Variants in AIRE observed in about 807,000 individuals in gnomAD.
AIRE encodes the protein autoimmune polyendocrinopathy candidiasis ectodermal dystrophy protein.
AIRE carries 52 observed loss-of-function variants against 62.1 expected under a neutral mutation model. The ratio of observed to expected loss-of-function variants is 0.84; its 90% CI spans 0.67 to 1.06. The LOEUF (loss-of-function observed/expected upper bound fraction) is 1.06. Among genes scored for constraint, AIRE ranks in the 50% least tolerant of loss-of-function variants. AIRE has a pLI of 0.00. For missense variants in AIRE, 774 were observed against 755.8 expected (o/e 1.02, Z -0.28); for synonymous variants, 342 against 321.6 (o/e 1.06, Z -0.68).
chr21:44,292,439 T>G, intron 9 of AIRE, 38 bp downstream of exon 9: 1 of 1,429,370 alleles, frequency 7.0e-7, no homozygotes, highest in Non-Finnish European at 9.6e-7. Flanking sequence ...CCACCCCTCC[T>G]GTCCACATGG....
In AIRE at chr21:44,287,530, G is replaced by A. The variant is rs1192838059; in HGVS notation, c.477G>A (p.Lys159=). ...TCCCCCATTCAGGCTCTCAACTGAA[G>A]GCCAAGCCCCCCAAGAAGCCGGAGA... ...RGTASPGSQL[K]AKPPKKPESS... The change falls in exon 4 of 14, where the codon AAG becomes AAA. Residue 159 remains lysine, a synonymous_variant. Transcript: ENST00000291582. This position sits in a 1 kb window ranked among gnomAD's most constrained non-coding sequence, Gnocchi z 4.3. 13 of 1,556,080 alleles carry A rather than the reference G, an allele frequency of 8.4e-6. No individual in the cohort carries two copies. Among genetic ancestry groups the A allele is most frequent in the Non-Finnish European group, 1.1e-5 (13 of 1,150,088 alleles).
At chr21:44,288,308 C>A (rs759510873) in intron 4 of AIRE, 37 bp from the exon 5 acceptor site, 12 of 1,465,436 alleles carry the variant, frequency 8.2e-6, no homozygotes, top group Admixed American at 3.3e-5. Context: ...GAACAGTCTT[C>A]CCCACGGGTG....
At position 44,290,180 on chromosome 21, in the gene AIRE, C is replaced by A; in HGVS notation, c.879+112C>A. 2.0e-6 allele frequency: 3 copies of A among 1,537,114 alleles called. 1 individual carries two copies. In the Middle Eastern group the frequency reaches 5.1e-4, roughly 259 times the overall value. On this transcript the variant is annotated intron_variant, in intron 7 of 13. Transcript: ENST00000291582. ...CAGGGATGAGCACCGGGGCCTGAGC[C>A]CCTACCCACAGGGTACAGCTCTTTT...
chr21:44,297,520 T>C lies in AIRE; in HGVS notation c.1567-136T>C, dbSNP rs1208950897. The C allele has an allele frequency of 6.3e-6, 5 of 797,616 alleles. No individual in the cohort carries two copies. The African/African-American group carries it at 6.8e-5, about 11-fold the overall frequency. The allele number at this position is 797,616 out of a possible 1,614,324, so 49.4% of individuals were successfully genotyped here. ...GTCCTCCCCAGACTGGCCTGTGCCATGGGGCCTCGGGCCTCAGTTTCCCCA... is the reference window on the plus strand; with the variant it reads ...GTCCTCCCCAGACTGGCCTGTGCCACGGGGCCTCGGGCCTCAGTTTCCCCA... On this transcript the variant is annotated intron_variant, in intron 13 of 13. Transcript: ENST00000291582. The surrounding 1 kb of genome is among the most constrained non-coding windows in gnomAD (Gnocchi z 4.8).
rs2040497325 is a variant in AIRE, at chr21:44,287,659, A to T, written c.538+68A>T. 1 of 1,455,934 alleles carries T rather than the reference A, an allele frequency of 6.9e-7. No individual in the cohort carries two copies. Among genetic ancestry groups the T allele is most frequent in the Non-Finnish European group, 9.4e-7 (1 of 1,063,136 alleles). 90.2% of individuals were successfully genotyped at this position (1,455,934 alleles called of 1,614,324 possible). ...GGGGCAAGGGGTCAGGGGTCAGAGC[A>T]GGGCCTGCCCTCTGAGACCCTGTCC... On this transcript the variant is annotated intron_variant, in intron 4 of 13. Coordinates refer to ENST00000291582, the MANE Select transcript of AIRE (RefSeq NM_000383.4). This position sits in a 1 kb window ranked among gnomAD's most constrained non-coding sequence, Gnocchi z 4.3.
chr21:44,292,323 C>T lies in AIRE; in HGVS notation c.1017C>T (p.Ser339=), dbSNP rs2040549304. The T allele has an allele frequency of 6.3e-7, 1 of 1,576,848 alleles. No homozygotes were observed. The highest frequency in any genetic ancestry group is 8.6e-7 in the Non-Finnish European group (1 of 1,161,726). The change falls in exon 9 of 14, where the codon AGC becomes AGT. Residue 339 remains serine (S), a synonymous_variant. Coordinates refer to ENST00000291582, the MANE Select transcript of AIRE (RefSeq NM_000383.4). The part of the protein sequence containing the change: ...EIPSGTWRCS[S]CLQATVQEVQ... ...GCAGTGGGACCTGGAGGTGCTCCAGCTGCCTGCAGGCAACAGTCCAGGAGG... is the reference window on the plus strand; with the variant it reads ...GCAGTGGGACCTGGAGGTGCTCCAGTTGCCTGCAGGCAACAGTCCAGGAGG...
In AIRE at chr21:44,287,993, C is replaced by T. The variant is rs1381568187; in HGVS notation, c.539-352C>T. Among the ~76,000 whole-genome samples the T allele has an allele frequency of 2.0e-5, 3 of 152,168 alleles. No individual in the cohort carries two copies. Among genetic ancestry groups the T allele is most frequent in the Non-Finnish European group, 4.4e-5 (3 of 68,014 alleles). On this transcript the variant is annotated intron_variant, in intron 4 of 13. Coordinates refer to ENST00000291582, the MANE Select transcript of AIRE (RefSeq NM_000383.4). The surrounding 1 kb of genome is among the most constrained non-coding windows in gnomAD (Gnocchi z 4.3). ...CTGGACTCCAGAGACCCCCTATCTC[C>T]CTGAGGGCAGAGCCTAGGAACTCTG... is the stretch of plus-strand genomic sequence containing the variant.
Position 44,286,476 on chromosome 21 carries a change from C to A in AIRE, c.133-81C>A. ...CGCCAGCGCCTCTGCCTGGGAGCTC[C>A]ACCCTCTAGTCATGATGGAGATGGG... is the stretch of plus-strand genomic sequence containing the variant. On this transcript the variant is annotated intron_variant, in intron 1 of 13. Transcript: ENST00000291582. This position sits in a 1 kb window ranked among gnomAD's most constrained non-coding sequence, Gnocchi z 6.0. The A allele has an allele frequency of 6.8e-7, 1 of 1,470,410 alleles. No homozygotes were observed. The allele number at this position is 1,470,410 out of a possible 1,614,324, so 91.1% of individuals were successfully genotyped here. A position where few individuals can be genotyped will look rare whatever the true frequency, so the allele number is the denominator to read the frequency against.
chr21:44,293,228 G>A (rs1244056652), intron 10 of AIRE, 53 bp downstream of exon 10: 4 of 1,460,760 alleles, frequency 2.7e-6, no homozygotes, highest in South Asian at 2.7e-5. Context: ...CAGGACCTAC[G>A]GGGCGGATGA....
chr21:44,288,401 G>A lies in AIRE; in HGVS notation c.595G>A (p.Val199Ile), dbSNP rs74162061. 1,472 of 1,612,754 alleles carry A rather than the reference G, an allele frequency of 9.1e-4. 7 individuals are homozygous for A. In the African/African-American group the frequency reaches 0.012, roughly 13 times the overall value. ...AGCTGTGGCCATGTCCTCCGGGGACGTCCCGGGAGCCCGAGGGGCCGTGGA... is the reference window on the plus strand; with the variant it reads ...AGCTGTGGCCATGTCCTCCGGGGACATCCCGGGAGCCCGAGGGGCCGTGGA... Reference protein sequence around the residue: ...QRAVAMSSGDVPGARGAVEGI... With the variant: ...QRAVAMSSGDIPGARGAVEGI... The change falls in exon 5 of 14, where the codon GTC becomes ATC. Residue 199 changes from valine (V) to isoleucine (I), a missense_variant. Val to Ile is a conservative substitution (Grantham distance 29). Around this residue, in one of 3 missense-constraint regions of AIRE, gnomAD observed 385 missense variants for 396.0 expected, o/e 0.97. Transcript: ENST00000291582.
At position 44,293,183 on chromosome 21, in the gene AIRE, G is replaced by A; in HGVS notation, c.1278+8G>A. On this transcript the variant is annotated splice_region_variant and intron_variant, in intron 10 of 13. Coordinates refer to ENST00000291582, the MANE Select transcript of AIRE (RefSeq NM_000383.4). ...GGTCCTGAGGGTCAGCAGGTGAGCG[G>A]GGAGTGGGGGTCAGGGTGGGCTCTT... The A allele has an allele frequency of 6.5e-7, 1 of 1,547,084 alleles. No individual in the cohort carries two copies. The highest frequency in any genetic ancestry group is 8.7e-7 in the Non-Finnish European group (1 of 1,144,718).
At position 44,297,864 on chromosome 21, in the gene AIRE, T is replaced by A; in HGVS notation, c.*137T>A. 4.9e-6 allele frequency: 4 copies of A among 810,250 alleles called. No individual in the cohort carries two copies. In the Admixed American group the frequency reaches 8.1e-5, roughly 16 times the overall value. 50.2% of individuals were successfully genotyped at this position (810,250 alleles called of 1,614,324 possible). On this transcript the variant is annotated 3_prime_UTR_variant, in exon 14 of 14. Coordinates refer to ENST00000291582, the MANE Select transcript of AIRE (RefSeq NM_000383.4). This position sits in a 1 kb window ranked among gnomAD's most constrained non-coding sequence, Gnocchi z 4.8. ...TTGTCAGTGCTCGGCTGTAAACAGC[T>A]CTGTGTTTCTGGGGACACCAGCCAT...
At position 44,286,537 on chromosome 21, in the gene AIRE, C is replaced by G; in HGVS notation, c.133-20C>G. 6.2e-7 allele frequency: 1 copy of G among 1,601,852 alleles called. No homozygotes were observed. The highest frequency in any genetic ancestry group is 8.5e-7 in the Non-Finnish European group (1 of 1,171,978). ...GGTGTGGGGGACCATGGCAGGGACC[C>G]TCATGCCACCCCACTGCAGGAGACG... On this transcript the variant is annotated intron_variant, in intron 1 of 13. Transcript: ENST00000291582. This position sits in a 1 kb window ranked among gnomAD's most constrained non-coding sequence, Gnocchi z 6.0.
rs2040496580 is a variant in AIRE, at chr21:44,287,607, T to A, written c.538+16T>A. ...CTCGGGAACGGTGAGCGGGGCCCAG[T>A]GGGAGCGCCTCCCTTCTCCCTGGCC... On this transcript the variant is annotated intron_variant, in intron 4 of 13. Transcript: ENST00000291582. The surrounding 1 kb of genome is among the most constrained non-coding windows in gnomAD (Gnocchi z 4.3). 6.5e-7 allele frequency: 1 copy of A among 1,549,566 alleles called. No homozygotes were observed. The highest frequency in any genetic ancestry group is 8.7e-7 in the Non-Finnish European group (1 of 1,146,454).
intron 12 of AIRE, among the ~76,000 whole-genome samples, chr21:44,294,772 G>A (rs1031463804): frequency 6.6e-6 from 1 of 152,202 alleles, no homozygotes; most frequent in Non-Finnish European, 1.5e-5. Context: ...CTCACAGCAT[G>A]AGCCTGAGAG....
Position 44,293,904 on chromosome 21 carries a change from G to C in AIRE, c.1394G>C (p.Arg465Pro). The change falls in exon 11 of 14, where the codon CGG becomes CCG. Residue 465 changes from arginine to proline, a missense_variant. By Grantham distance (103) the Arg-to-Pro change is moderately radical. Transcript: ENST00000291582. ...TGCCACTTCCCAGCCGGCACCTCCC[G>C]GCCCGGGTGAGTGAGCGTGGTCGGC... Reference protein sequence around the residue: ...WRCHFPAGTSRPGTGLRCRSC... With the variant: ...WRCHFPAGTSPPGTGLRCRSC... 1 of 1,596,582 alleles carries C rather than the reference G, an allele frequency of 6.3e-7. No homozygotes were observed. The highest frequency in any genetic ancestry group is 8.5e-7 in the Non-Finnish European group (1 of 1,179,488).
chr21:44,295,042 G>A (rs1263239878), intron 12 of AIRE, among the ~76,000 whole-genome samples: 1 of 152,172 alleles, frequency 6.6e-6, no homozygotes, highest in Non-Finnish European at 1.5e-5. Context: ...GGGGCGGCTG[G>A]GCTTGCCCTG....
intron 10 of AIRE, 145 bp from the exon 11 acceptor site, chr21:44,293,644 C>T (rs535113255): frequency 5.2e-6 from 7 of 1,349,296 alleles, no homozygotes; most frequent in East Asian, 2.5e-5. Flanking sequence ...CTGCAGCCTG[C>T]GTGGCACCGT....
intron 7 of AIRE, 157 bp downstream of exon 7, chr21:44,290,225 T>G: frequency 1.0e-6 from 1 of 983,944 alleles, no homozygotes; most frequent in Non-Finnish European, 1.2e-6. Context: ...GACAGTATTT[T>G]TTTCCTGATA....
Sources: allele counts gnomAD v4.1 joint callset (sites outside exome capture counted in the v4.1 genomes callset), GRCh38; gene constraint gnomAD v4.1.1; regional missense constraint gnomAD v4.1.1; non-coding constraint Gnocchi (gnomAD v3.1); transcripts MANE v1.5; gene names NCBI Gene and HGNC (gene_info 2026-07-23, HGNC 2026-07-21).